DHRSX: variants seen among roughly 807,000 people sequenced by gnomAD.
DHRSX encodes polyprenol dehydrogenase.
DHRSX carries 31 observed loss-of-function variants against 34.0 expected under a neutral mutation model. That is an observed-to-expected ratio of 0.91 (90% confidence interval 0.69 to 1.23). DHRSX has a LOEUF of 1.23. Among genes scored for constraint, DHRSX ranks in the 50% most tolerant of loss-of-function variants. DHRSX has a pLI of 0.00. For missense variants in DHRSX, 414 were observed against 428.1 expected, an observed-to-expected ratio of 0.97 and a Z score of 0.29; for synonymous variants, 201 against 183.8, an observed-to-expected ratio of 1.09 and a Z score of -0.76.
intron 3 of DHRSX, among the ~76,000 whole-genome samples, chrX:2,382,242 G>T (rs2043211187): frequency 6.6e-6 from 1 of 152,012 alleles, no homozygotes; most frequent in African/African-American, 2.4e-5. Flanking sequence ...CGGATATTAG[G>T]GCTGTTGTTA....
At chrX:2,305,301 C>T (rs1396458981) in intron 3 of DHRSX, among the ~76,000 whole-genome samples, 1 of 152,092 alleles carries the variant, frequency 6.6e-6, no homozygotes, top group East Asian at 1.9e-4. Context: ...TACCACCTCA[C>T]ATCAGTTAGA....
chrX:2,477,222 G>A (rs978434019), intron 1 of DHRSX, among the ~76,000 whole-genome samples: 16 of 152,180 alleles, frequency 1.1e-4, no homozygotes, highest in African/African-American at 3.1e-4. Context: ...ACCTGGCTCC[G>A]TCACTGATCA....
chrX:2,377,571 G>C (rs922986416), intron 3 of DHRSX, among the ~76,000 whole-genome samples: 1 of 152,068 alleles, frequency 6.6e-6, no homozygotes, highest in African/African-American at 2.4e-5. Context: ...CCACAGCCAG[G>C]GGGTTGGAGT....
At chrX:2,403,252 G>A (rs986324112) in intron 3 of DHRSX, among the ~76,000 whole-genome samples, 2 of 152,050 alleles carry the variant, frequency 1.3e-5, no homozygotes, top group African/African-American at 2.4e-5. Flanking sequence ...TATCAAATAC[G>A]AGACCTTACT....
At chrX:2,236,711 T>C (rs78237837) in intron 6 of DHRSX, among the ~76,000 whole-genome samples, 131,462 of 152,056 alleles carry the variant, frequency 0.86, 57,320 homozygotes, top group East Asian at 0.95. Flanking sequence ...GGATGACAGG[T>C]GTGAGCCACT....
At chrX:2,437,469 T>C (rs1482891141) in intron 1 of DHRSX, among the ~76,000 whole-genome samples, 1 of 152,038 alleles carries the variant, frequency 6.6e-6, no homozygotes, top group African/African-American at 2.4e-5. Flanking sequence ...CCAGGTGTGA[T>C]GGTGTGCCCA....
At chrX:2,418,899 A>C (rs905440237) in intron 2 of DHRSX, among the ~76,000 whole-genome samples, 27 of 130,524 alleles carry the variant, frequency 2.1e-4, no homozygotes, top group African/African-American at 7.7e-4. Context: ...ACCACCTCAC[A>C]GTCTCCAAGC....
At chrX:2,303,100 A>G (rs2042032664) in intron 3 of DHRSX, among the ~76,000 whole-genome samples, 1 of 152,208 alleles carries the variant, frequency 6.6e-6, no homozygotes, top group South Asian at 2.1e-4. Context: ...TAAAAGCACA[A>G]GCTGAGCTTC....
chrX:2,386,714 CT>C (rs1360597170), intron 3 of DHRSX, among the ~76,000 whole-genome samples: 4 of 152,130 alleles, frequency 2.6e-5, no homozygotes, highest in Non-Finnish European at 4.4e-5. Flanking sequence ...GAATAAATTA[CT>C]TTTTTTGCAT....
chrX:2,276,823 T>G (rs763109540), intron 4 of DHRSX, among the ~76,000 whole-genome samples: 232 of 74,732 alleles, frequency 3.1e-3, no homozygotes, highest in Middle Eastern at 0.011. Flanking sequence ...CAAAGAGAGA[T>G]GGAGAGGGAA....
At chrX:2,318,165 T>G (rs2042262499) in intron 3 of DHRSX, among the ~76,000 whole-genome samples, 1 of 134,516 alleles carries the variant, frequency 7.4e-6, no homozygotes, top group African/African-American at 2.8e-5. Context: ...GGCAACATGG[T>G]GAAACCTCGT....
At chrX:2,304,208 G>GATGGATGGATGGATGGATAA (rs2042068231) in intron 3 of DHRSX, among the ~76,000 whole-genome samples, 1 of 24,436 alleles carries the variant, frequency 4.1e-5, no homozygotes, top group African/African-American at 1.5e-4. Flanking sequence ...TGGATAAATG[G>GATGGATGGATGGATGGATAA]ATGGATGGAT....
chrX:2,452,461 C>T (rs1443899404), intron 1 of DHRSX, among the ~76,000 whole-genome samples: 3 of 151,444 alleles, frequency 2.0e-5, no homozygotes, highest in African/African-American at 4.9e-5. Context: ...AAGGGACCTC[C>T]GCCATGTACA....
At chrX:2,443,677 G>A (rs1354097373) in intron 1 of DHRSX, among the ~76,000 whole-genome samples, 1 of 152,072 alleles carries the variant, frequency 6.6e-6, no homozygotes, top group Non-Finnish European at 1.5e-5. Context: ...CCAACAGTGA[G>A]AATAACTCGT....
chrX:2,282,729 AGG>A (rs1224810306), intron 4 of DHRSX, among the ~76,000 whole-genome samples: 2 of 126,840 alleles, frequency 1.6e-5, no homozygotes, highest in Non-Finnish European at 3.2e-5. Flanking sequence ...AGAGGGAGGG[AGG>A]GAGAGGGAGA....
At chrX:2,257,930 G>C (rs34384439) in intron 5 of DHRSX, among the ~76,000 whole-genome samples, 66,373 of 151,900 alleles carry the variant, frequency 0.44, 15,508 homozygotes, top group Middle Eastern at 0.57. Flanking sequence ...CCCGGCCGGA[G>C]ATGGGGTCTT....
intron 3 of DHRSX, among the ~76,000 whole-genome samples, chrX:2,313,750 G>A (rs142784173): frequency 1.6e-3 from 247 of 152,204 alleles, no homozygotes; most frequent in African/African-American, 5.2e-3. Context: ...GAGTGACCAC[G>A]GCCCGTGACA....
intron 5 of DHRSX, among the ~76,000 whole-genome samples, chrX:2,260,155 T>G (rs2041343874): frequency 1.3e-5 from 2 of 149,598 alleles, no homozygotes; most frequent in South Asian, 4.2e-4. Flanking sequence ...TGTGTCTGTG[T>G]CTCCTCTTCT....
chrX:2,428,576 C>T (rs1419009822), intron 1 of DHRSX, among the ~76,000 whole-genome samples: 1 of 152,044 alleles, frequency 6.6e-6, no homozygotes, highest in African/African-American at 2.4e-5. Context: ...ACAATGAGAA[C>T]ACATGGAAAC....
Sources: allele counts gnomAD v4.1 joint callset (sites outside exome capture counted in the v4.1 genomes callset), GRCh38; gene constraint gnomAD v4.1.1; transcripts MANE v1.5; gene names NCBI Gene and HGNC (gene_info 2026-07-23, HGNC 2026-07-21).